CYREN: variants seen among roughly 807,000 people sequenced by gnomAD.
CYREN encodes the protein cell cycle regulator of NHEJ.
In CYREN, 7 loss-of-function variants were observed where a neutral mutation model predicts 9.7. That is an observed-to-expected ratio of 0.72 (90% confidence interval 0.41 to 1.36). The LOEUF (loss-of-function observed/expected upper bound fraction) is 1.36, where lower values mean the gene tolerates loss of function less well. Ranked by LOEUF, CYREN falls within the 40% of genes most tolerant of loss-of-function variation. The probability of loss-of-function intolerance (pLI) is 0.01; values close to 1 mark genes in which losing one functional copy is unlikely to be tolerated. For missense variants in CYREN, 215 were observed against 198.1 expected (o/e 1.09, Z -0.51); for synonymous variants, 76 against 77.9 (o/e 0.98, Z 0.13).
intron 2 of CYREN, among the ~76,000 whole-genome samples, chr7:135,156,048 T>A (rs1220857203): frequency 6.6e-6 from 1 of 152,174 alleles, no homozygotes. Context: ...TTTTTTCCCT[T>A]TAGCACTTTG....
At chr7:135,115,351 C>T (rs1477642894) in intron 2 of CYREN, 1 of 1,385,234 alleles carries the variant, frequency 7.2e-7, no homozygotes, top group Non-Finnish European at 1.0e-6. Context: ...GTTCATATCT[C>T]TGTACATATT....
intron 2 of CYREN, chr7:135,129,614 T>G (rs1248263665): frequency 5.2e-6 from 4 of 775,424 alleles, no homozygotes; most frequent in Non-Finnish European, 9.6e-6. Context: ...TCACTGATCC[T>G]GCTTCAACAT....
At chr7:135,096,785 A>AAGAAAGAAAGAAAGAC (rs1822958339) in intron 2 of CYREN, among the ~76,000 whole-genome samples, 1 of 150,680 alleles carries the variant, frequency 6.6e-6, no homozygotes, top group Non-Finnish European at 1.5e-5. Flanking sequence ...GAAAGAAAGA[A>AAGAAAGAAAGAAAGAC]AGAAAGAAAA....
At chr7:135,098,976 T>C (rs1823346723) in intron 2 of CYREN, among the ~76,000 whole-genome samples, 1 of 152,300 alleles carries the variant, frequency 6.6e-6, no homozygotes, top group African/African-American at 2.4e-5. Context: ...TTCTCACACA[T>C]ACTATTAATC....
intron 2 of CYREN, among the ~76,000 whole-genome samples, chr7:135,106,338 AC>A (rs976650168): frequency 2.0e-5 from 3 of 152,312 alleles, no homozygotes; most frequent in African/African-American, 7.2e-5. Flanking sequence ...GCTTTTGCCC[AC>A]AGTACGATGT....
chr7:135,140,558 C>A (rs1234246748), intron 2 of CYREN, among the ~76,000 whole-genome samples: 1 of 152,090 alleles, frequency 6.6e-6, no homozygotes, highest in East Asian at 1.9e-4. Context: ...TTATTTCTTT[C>A]TCTTGCCTAG....
At chr7:135,141,734 T>C (rs1829456259) in intron 2 of CYREN, among the ~76,000 whole-genome samples, 1 of 152,160 alleles carries the variant, frequency 6.6e-6, no homozygotes, top group South Asian at 2.1e-4. Flanking sequence ...TCCCAGACAT[T>C]CTCATATGTT....
At chr7:135,103,119 C>T (rs149051656) in intron 2 of CYREN, among the ~76,000 whole-genome samples, 7 of 152,254 alleles carry the variant, frequency 4.6e-5, no homozygotes, top group African/African-American at 1.2e-4. Context: ...CCAGACCATC[C>T]GCACCTGGAA....
chr7:135,148,031 A>G (rs1829582553), intron 2 of CYREN: 1 of 456,028 alleles, frequency 2.2e-6, no homozygotes, highest in South Asian at 1.5e-5. Context: ...AAGTGAAATC[A>G]GCTGATAGTG....
At chr7:135,155,397 C>T (rs757976142) in intron 2 of CYREN, among the ~76,000 whole-genome samples, 219 of 152,180 alleles carry the variant, frequency 1.4e-3, no homozygotes, top group Non-Finnish European at 2.3e-3. Context: ...GTTTTATAGA[C>T]TCTTTGTCTT....
At chr7:135,129,105 A>T in intron 2 of CYREN, 1 of 1,570,462 alleles carries the variant, frequency 6.4e-7, no homozygotes, top group African/African-American at 1.3e-5. Context: ...TGGTCAGGTC[A>T]AAGAGCTAGT....
chr7:135,164,242 T>C (rs1360276877), downstream of CYREN, among the ~76,000 whole-genome samples: 1 of 152,302 alleles, frequency 6.6e-6, no homozygotes, highest in Non-Finnish European at 1.5e-5. Context: ...TAATGACTTA[T>C]TTGCAAATAG....
intron 2 of CYREN, chr7:135,135,101 T>C: frequency 6.4e-7 from 1 of 1,551,146 alleles, no homozygotes. Flanking sequence ...AGCTTTGGAA[T>C]GGATGCAAAT....
chr7:135,147,738 C>G (rs1585338093), intron 2 of CYREN: 1 of 455,842 alleles, frequency 2.2e-6, no homozygotes, highest in South Asian at 1.5e-5. Context: ...GACTGCCACA[C>G]TGGCTGGGAG....
At chr7:135,099,635 T>C (rs987091748) in intron 2 of CYREN, among the ~76,000 whole-genome samples, 16 of 152,266 alleles carry the variant, frequency 1.1e-4, no homozygotes, top group African/African-American at 3.8e-4. Flanking sequence ...CTCTGTCTTA[T>C]AAGATTTTGA....
rs1824019919 is a variant in CYREN at position 135,102,637 on chromosome 7, T to TTC, written n.357-8056_357-8055insGA. On this transcript the variant is annotated intron_variant and non_coding_transcript_variant, in intron 2 of 2. Transcript: ENST00000459937. The stretch of plus-strand genomic sequence containing the variant: ...CCTTTCTCTTGTGGTTTTTTTTTTT[T>TTC]CATTGCTCTAATGCTTGGAAGGTTT... Among the ~76,000 whole-genome samples the TTC allele has an allele frequency of 1.3e-4, 19 of 151,500 alleles. No homozygotes were observed. In the South Asian group the frequency reaches 4.0e-3, roughly 32 times the overall value.
chr7:135,129,561 A>T, intron 2 of CYREN: 1 of 772,658 alleles, frequency 1.3e-6, no homozygotes, highest in South Asian at 1.3e-5. Context: ...TTTCTGTTGG[A>T]TTTGCATGAG....
At chr7:135,145,084 C>T (rs1399859007) in intron 2 of CYREN, among the ~76,000 whole-genome samples, 1 of 151,156 alleles carries the variant, frequency 6.6e-6, no homozygotes. Context: ...AGGCATAAAG[C>T]TGAAAGGATG....
chr7:135,132,465 C>G (rs1828900094), intron 2 of CYREN, among the ~76,000 whole-genome samples: 1 of 152,102 alleles, frequency 6.6e-6, no homozygotes, highest in Admixed American at 6.5e-5. Flanking sequence ...GAATTCAGTA[C>G]CCATCCATGA....
Sources: gnomAD v4.1 joint callset for allele counts (sites outside exome capture counted in the v4.1 genomes callset) on GRCh38, gnomAD v4.1.1 for gene constraint, MANE v1.5 for transcripts, NCBI Gene and HGNC (gene_info 2026-07-23, HGNC 2026-07-21) for gene names.